The following PDE1C variants were observed in gnomAD, a reference collection of about 807,000 sequenced individuals.
PDE1C encodes the protein dual specificity calcium/calmodulin-dependent 3',5'-cyclic nucleotide phosphodiesterase 1C.
Under a neutral mutation model 93.1 loss-of-function variants are expected in PDE1C, and 62 were observed. That is an observed-to-expected ratio of 0.67 (90% CI 0.54 to 0.82). The LOEUF is 0.82. PDE1C is among the 40% of genes least tolerant of loss of function. The pLI is 0.00. For synonymous variants in PDE1C, 325 were observed against 310.1 expected (o/e 1.05, Z -0.50); for missense variants, 742 against 884.6 (o/e 0.84, Z 2.04).
At chr7:32,346,803 A>G (rs756292298) in intron 1 of PDE1C, among the ~76,000 whole-genome samples, 1 of 152,228 alleles carries the variant, frequency 6.6e-6, no homozygotes, top group Non-Finnish European at 1.5e-5. Context: ...CTTTACAAAC[A>G]TTATCCAAGG....
chr7:31,830,743 C>T (rs556969654), intron 11 of PDE1C, among the ~76,000 whole-genome samples: 2 of 152,278 alleles, frequency 1.3e-5, no homozygotes, highest in East Asian at 1.9e-4. Context: ...ATTTCTACCA[C>T]AGTTCAGGCC....
chr7:31,652,493 C>CT, the PDE1C span: 3 of 1,561,136 alleles, frequency 1.9e-6, no homozygotes, highest in African/African-American at 1.4e-5. Flanking sequence ...GCTGTTTACT[C>CT]TTTTTCCTCT....
chr7:32,299,862 G>A (rs568046563), upstream of PDE1C, among the ~76,000 whole-genome samples: 2 of 152,328 alleles, frequency 1.3e-5, no homozygotes, highest in South Asian at 4.1e-4. Flanking sequence ...AGAGACCAGA[G>A]CTGAGTCACA....
Position 32,112,865 on chromosome 7 carries a change from T to TATATATATATAC in PDE1C, c.308+56919_308+56920insGTATATATATAT, listed in dbSNP as rs1276203872. Among the ~76,000 whole-genome samples the TATATATATATAC allele has an allele frequency of 1.9e-3, 276 of 144,774 alleles. 2 individuals are homozygous for TATATATATATAC. Among genetic ancestry groups the TATATATATATAC allele is most frequent in the African/African-American group, 6.6e-3 (251 of 37,886 alleles). The allele number at this position is 144,774 out of a possible 152,430, so 95.0% of individuals were successfully genotyped here. On this transcript the variant is annotated intron_variant, in intron 3 of 18. Coordinates refer to the PDE1C transcript ENST00000396193. ...GTGTGTGTATATATATATATATATA[T>TATATATATATAC]ATATATATCTCAAACTCCTGCCTGC...
At chr7:31,711,963 C>T in the PDE1C span, among the ~76,000 whole-genome samples, 1 of 152,196 alleles carries the variant, frequency 6.6e-6, no homozygotes, top group Non-Finnish European at 1.5e-5. Flanking sequence ...CCATCTCCTA[C>T]TCTTTGCCCC....
In PDE1C at chr7:31,753,521, G is replaced by A; in HGVS notation, c.1993C>T (p.Pro665Ser). Residue 665 changes from proline (P) to serine (S), a missense_variant, in exon 18 of 18, where the codon CCT (proline) becomes TCT (serine). Transcript: ENST00000396191. ...GCATAGGAGCTAGATGCGTAAGCAG[G>A]GCGTTTAAAATGACGCAAAGGAGGC... The part of the protein sequence containing the change: ...IKPPLRHFKR[P>S]AYASSSYAPS... 6.2e-7 allele frequency: 1 copy of A among 1,611,370 alleles called. No homozygotes were observed. The highest frequency in any genetic ancestry group is 2.2e-5 in the East Asian group (1 of 44,800).
chr7:31,711,574 A>G, the PDE1C span, among the ~76,000 whole-genome samples: 1 of 152,178 alleles, frequency 6.6e-6, no homozygotes, highest in South Asian at 2.1e-4. Context: ...AGTAAATTAT[A>G]CAAGTGCTTT....
intron 1 of PDE1C, among the ~76,000 whole-genome samples, chr7:32,264,647 G>C (rs10249413): frequency 0.12 from 17,824 of 152,214 alleles, 1,197 homozygotes; most frequent in African/African-American, 0.16. Context: ...AGCCCATGTG[G>C]AATGCTCAAG....
intron 1 of PDE1C, among the ~76,000 whole-genome samples, chr7:32,055,180 A>C (rs1005294420): frequency 6.6e-6 from 1 of 152,222 alleles, no homozygotes; most frequent in Non-Finnish European, 1.5e-5. Flanking sequence ...AAATTGATCA[A>C]AAATGCTTTC....
At chr7:31,809,495 T>A (rs1787287826) in intron 15 of PDE1C, among the ~76,000 whole-genome samples, 1 of 152,098 alleles carries the variant, frequency 6.6e-6, no homozygotes, top group Non-Finnish European at 1.5e-5. Flanking sequence ...ACCTACCTTA[T>A]AGGCATTTTG....
chr7:32,402,732 T>C (rs1017616422), intron 1 of PDE1C, among the ~76,000 whole-genome samples: 1 of 152,220 alleles, frequency 6.6e-6, no homozygotes, highest in African/African-American at 2.4e-5. Context: ...GCTTCTTTTA[T>C]CTCTGAAATA....
chr7:32,397,810 C>T (rs544161612), intron 1 of PDE1C, among the ~76,000 whole-genome samples: 50 of 151,186 alleles, frequency 3.3e-4, no homozygotes, highest in Non-Finnish European at 6.2e-4. Context: ...GGTCAGAGTT[C>T]GAGACTAGTC....
At chr7:32,284,796 G>T (rs985552059) in intron 1 of PDE1C, among the ~76,000 whole-genome samples, 8 of 152,164 alleles carry the variant, frequency 5.3e-5, no homozygotes, top group African/African-American at 9.7e-5. Flanking sequence ...ACTTTGGGAG[G>T]CTGAAGCGGG....
chr7:32,122,930 G>T (rs4278076), intron 3 of PDE1C, among the ~76,000 whole-genome samples: 30,807 of 152,032 alleles, frequency 0.2, 3,765 homozygotes, highest in Middle Eastern at 0.31. Context: ...CCAGGAGCTG[G>T]TTTTTAAGAA....
intron 3 of PDE1C, among the ~76,000 whole-genome samples, chr7:32,082,338 T>C (rs1295158127): frequency 2.0e-5 from 3 of 152,174 alleles, no homozygotes; most frequent in African/African-American, 7.2e-5. Context: ...CCAGGCTTGC[T>C]TAGGTAAACA....
intron 1 of PDE1C, among the ~76,000 whole-genome samples, chr7:32,327,889 G>A (rs993601250): frequency 4.0e-5 from 6 of 151,520 alleles, no homozygotes; most frequent in African/African-American, 9.7e-5. Context: ...ACATAGTTCC[G>A]TTTTTCTCTG....
chr7:32,281,728 G>A (rs1211582499), intron 1 of PDE1C, among the ~76,000 whole-genome samples: 1 of 152,198 alleles, frequency 6.6e-6, no homozygotes, highest in East Asian at 1.9e-4. Flanking sequence ...GCACACGTAT[G>A]TTTGTTGCGG....
chr7:31,970,197 A>G (rs79496417), intron 2 of PDE1C, among the ~76,000 whole-genome samples: 13,476 of 152,168 alleles, frequency 0.089, 920 homozygotes, highest in East Asian at 0.3. Context: ...GAAGTGGTGG[A>G]AAAATATCCC....
chr7:31,860,110 C>G (rs77590194), intron 7 of PDE1C, among the ~76,000 whole-genome samples: 3,163 of 152,268 alleles, frequency 0.021, 41 homozygotes, highest in Non-Finnish European at 0.034. Flanking sequence ...AAATTGTTTT[C>G]TTATATGACT....
Sources: gnomAD v4.1 joint callset for allele counts (sites outside exome capture counted in the v4.1 genomes callset) on GRCh38, gnomAD v4.1.1 for gene constraint, MANE v1.5 for transcripts, NCBI Gene and HGNC (gene_info 2026-07-23, HGNC 2026-07-21) for gene names.